Variants in POLE observed in about 807,000 individuals in gnomAD.
POLE encodes the protein DNA polymerase epsilon, catalytic subunit, also known as DNA polymerase epsilon catalytic subunit A.
POLE carries 188 observed loss-of-function variants against 279.2 expected under a neutral mutation model. That is an observed-to-expected ratio of 0.67 (90% CI 0.60 to 0.76). The LOEUF (loss-of-function observed/expected upper bound fraction) is 0.76. Ranked by LOEUF, POLE falls within the 30% of genes least tolerant of loss-of-function variation. POLE has a pLI of 0.00. For synonymous variants in POLE, 1,214 were observed against 1,172.5 expected (o/e 1.04, Z -0.72); for missense variants, 2,703 against 3,016.7 (o/e 0.90, Z 2.44).
At chr12:132,635,265 A>C (rs955683811) in intron 42 of POLE, among the ~76,000 whole-genome samples, 1 of 151,890 alleles carries the variant, frequency 6.6e-6, no homozygotes, top group East Asian at 1.9e-4. Flanking sequence ...CCTGGCCCGC[A>C]CCTGGGCATT....
Position 132,659,336 on chromosome 12 carries a change from G to A in POLE, c.3234C>T (p.Tyr1078=), listed in dbSNP as rs762650342. The change falls in exon 26 of 49, where the codon TAC becomes TAT. Residue 1078 remains tyrosine, a synonymous_variant. Coordinates refer to ENST00000320574, the MANE Select transcript of POLE (RefSeq NM_006231.4). ...MVKDAGLSCR[Y]IISRKPEGSP... ...AGCCCTCGGGCTTGCGGGAGATGAT[G>A]TAGCGGCAACTCAGCCCTGCATCCT... is the stretch of plus-strand genomic sequence containing the variant. 2 of 1,614,200 alleles carry A rather than the reference G, an allele frequency of 1.2e-6. No individual in the cohort carries two copies. The highest frequency in any genetic ancestry group is 1.1e-5 in the South Asian group (1 of 91,090).
chr12:132,668,551 C>G lies in POLE; in HGVS notation c.2027-49G>C, dbSNP rs777621979. On this transcript the variant is annotated intron_variant, in intron 18 of 48. Transcript: ENST00000320574. This position sits in a 1 kb window ranked among gnomAD's most constrained non-coding sequence, Gnocchi z 4.0. Reference sequence around the variant, plus strand: ...AGTTCAAAAGGAGGCACAGACACACCGGCTTCCCACCAAGTGGAGAAAGGC... The same window carrying G: ...AGTTCAAAAGGAGGCACAGACACACGGGCTTCCCACCAAGTGGAGAAAGGC... 6.3e-6 allele frequency: 10 copies of G among 1,579,834 alleles called. No individual in the cohort carries two copies.
chr12:132,680,421 G>C (rs1178422131), intron 3 of POLE, 186 bp downstream of exon 3: 1 of 666,646 alleles, frequency 1.5e-6, no homozygotes, highest in Non-Finnish European at 2.7e-6. Flanking sequence ...TCACCATTCA[G>C]AGTCTTCCTG....
intron 29 of POLE, 104 bp from the exon 30 acceptor site, chr12:132,649,993 T>C (rs1056017756): frequency 4.5e-5 from 44 of 971,770 alleles, no homozygotes; most frequent in African/African-American, 1.4e-4. Context: ...GGAGAATTGC[T>C]TGGGGCCAGG....
Position 132,657,241 on chromosome 12 carries a change from T to G in POLE, c.3477A>C (p.Pro1159=). ...GCAGCCAGTCGGGGTGTTTGACACG[T>G]GGCACTGGGTTCTTTACCTGTGTGA... ...AALQQVKNPV[P]RVKHPDWLHK... Residue 1159 remains proline (P), a synonymous_variant, in exon 29 of 49, where the codon CCA becomes CCC. Transcript: ENST00000320574. The G allele has an allele frequency of 6.2e-7, 1 of 1,614,024 alleles. No homozygotes were observed. Among genetic ancestry groups the G allele is most frequent in the Non-Finnish European group, 8.5e-7 (1 of 1,179,988 alleles).
chr12:132,642,111 G>T, intron 38 of POLE, 66 bp downstream of exon 38: 3 of 1,341,956 alleles, frequency 2.2e-6, no homozygotes, highest in Non-Finnish European at 2.1e-6. Context: ...ATTGCCTTGA[G>T]AAGATGTCAC....
Position 132,642,931 on chromosome 12 carries a change from C to T in POLE, c.4617G>A (p.Glu1539=), listed in dbSNP as rs1429494989. ...GTGGCAGGAGCTCAGGGCCCACCTTCTCCAGGAGGAGGCCGTGCTCTGCTG... is the reference window on the plus strand; with the variant it reads ...GTGGCAGGAGCTCAGGGCCCACCTTTTCCAGGAGGAGGCCGTGCTCTGCTG... ...LYSAEHGLLL[E]KVGPELLPPP... is the part of the protein sequence containing the mutation. Residue 1539 remains glutamate (E), a synonymous_variant, in exon 36 of 49, where the codon GAG becomes GAA. Coordinates refer to ENST00000320574, the MANE Select transcript of POLE (RefSeq NM_006231.4). The T allele has an allele frequency of 6.2e-7, 1 of 1,612,220 alleles. No individual in the cohort carries two copies. The highest frequency in any genetic ancestry group is 1.3e-5 in the African/African-American group (1 of 74,814).
intron 43 of POLE, chr12:132,633,156 C>A: frequency 7.7e-6 from 1 of 130,008 alleles, no homozygotes; most frequent in Non-Finnish European, 1.5e-5. Context: ...TCACCTGGCA[C>A]TTACCCTTTT....
At chr12:132,683,299 T>C (rs1465191037) in intron 1 of POLE, among the ~76,000 whole-genome samples, 1 of 151,330 alleles carries the variant, frequency 6.6e-6, no homozygotes, top group East Asian at 1.9e-4. Context: ...AGAGCTAGAG[T>C]CAGGAAGGAG....
chr12:132,686,681 G>A (rs2043276566), intron 1 of POLE, among the ~76,000 whole-genome samples: 2 of 152,050 alleles, frequency 1.3e-5, no homozygotes, highest in Non-Finnish European at 2.9e-5. Flanking sequence ...GTTGCAGTGA[G>A]CCGAGATCGC....
intron 1 of POLE, among the ~76,000 whole-genome samples, chr12:132,682,187 A>C (rs1341613848): frequency 6.6e-6 from 1 of 151,904 alleles, no homozygotes; most frequent in African/African-American, 2.4e-5. Context: ...CCAGCTACTC[A>C]GGAGGCTGAG....
chr12:132,675,588 T>G lies in POLE; in HGVS notation c.1107-71A>C. 4 of 1,603,234 alleles carry G rather than the reference T, an allele frequency of 2.5e-6. No individual in the cohort carries two copies. In the South Asian group the frequency reaches 4.5e-5, roughly 18 times the overall value. ...TAATGCCCCTTTCTCCATTCCTCCC[T>G]CAGACCCAGGGAGGAACCCAGACAC... is the stretch of plus-strand genomic sequence containing the variant. On this transcript the variant is annotated intron_variant, in intron 11 of 48. Transcript: ENST00000320574. This position sits in a 1 kb window ranked among gnomAD's most constrained non-coding sequence, Gnocchi z 4.3.
At chr12:132,626,798 C>T (rs1271378490) in intron 45 of POLE, among the ~76,000 whole-genome samples, 18 of 152,106 alleles carry the variant, frequency 1.2e-4, no homozygotes, top group Admixed American at 6.6e-5. Context: ...AAAGATGATT[C>T]GATAGAAAAA....
At position 132,632,328 on chromosome 12, in the gene POLE, T is replaced by C. The variant is rs762471347; in HGVS notation, c.6317A>G (p.Lys2106Arg). The stretch of plus-strand genomic sequence containing the variant: ...TGGCACTCTCACCTTGCACACGTAT[T>C]TGATGAACTCCAGGGCAGGGTTATT... ...LLNNPALEFI[K>R]YVCKVLSLDT... The change falls in exon 45 of 49, where the codon AAA (lysine) becomes AGA (arginine). Residue 2106 changes from lysine (K) to arginine (R), a missense_variant. Around this residue, in one of 5 missense-constraint regions of POLE, gnomAD observed 1,551 missense variants for 1,686.1 expected, o/e 0.92. Transcript: ENST00000320574. 5.6e-6 allele frequency: 9 copies of C among 1,613,852 alleles called. No homozygotes were observed. In the East Asian group the frequency reaches 2.0e-4, roughly 36 times the overall value.
intron 1 of POLE, among the ~76,000 whole-genome samples, 200 bp from the exon 2 acceptor site, chr12:132,681,479 G>A (rs1372460064): frequency 2.6e-5 from 4 of 152,026 alleles, no homozygotes; most frequent in African/African-American, 9.7e-5. Context: ...GAGTAGCTGG[G>A]ACCACAGGCG....
chr12:132,628,843 C>T (rs1445876593), intron 45 of POLE, among the ~76,000 whole-genome samples: 1 of 152,200 alleles, frequency 6.6e-6, no homozygotes, highest in Non-Finnish European at 1.5e-5. Flanking sequence ...CCACAATAGT[C>T]TTGAATCCCT....
At chr12:132,656,074 A>G (rs1033800023) in intron 29 of POLE, among the ~76,000 whole-genome samples, 1 of 151,724 alleles carries the variant, frequency 6.6e-6, no homozygotes, top group Non-Finnish European at 1.5e-5. Flanking sequence ...TCCCAGCTAC[A>G]CTAGAGGCTG....
chr12:132,642,903 G>C lies in POLE; in HGVS notation c.4645C>G (p.Pro1549Ala), dbSNP rs147500308. 319 of 1,613,720 alleles carry C rather than the reference G, an allele frequency of 2.0e-4. No individual in the cohort carries two copies. The highest frequency in any genetic ancestry group is 1.4e-3 in the Admixed American group (84 of 59,920). Residue 1549 changes from proline to alanine, a missense_variant, in exon 36 of 49, where the codon CCC becomes GCC. Physicochemically the swap from Pro to Ala is conservative, Grantham distance 27. Transcript: ENST00000320574. ...GCCCGAACTTCGAAGGTGTGTTTGG[G>C]GGGTGGCAGGAGCTCAGGGCCCACC... ...EKVGPELLPP[P>A]KHTFEVRAET...
In POLE at chr12:132,664,364, A is replaced by G. The variant is rs116231808; in HGVS notation, c.2561+6T>C. 464 of 1,612,246 alleles carry G rather than the reference A, an allele frequency of 2.9e-4. 2 individuals are homozygous for G. The African/African-American group carries it at 5.7e-3, about 20-fold the overall frequency. The stretch of plus-strand genomic sequence containing the variant: ...CCCAGCCCCACGGCTCCCCTTCTGC[A>G]CTCACCCAATCTGCTCGATCAGCTC... On this transcript the variant is annotated splice_donor_region_variant and intron_variant, in intron 22 of 48. Transcript: ENST00000320574. The surrounding 1 kb of genome is among the most constrained non-coding windows in gnomAD (Gnocchi z 5.3).
Sources: allele counts gnomAD v4.1 joint callset (sites outside exome capture counted in the v4.1 genomes callset), GRCh38; gene constraint gnomAD v4.1.1; regional missense constraint gnomAD v4.1.1; non-coding constraint Gnocchi (gnomAD v3.1); transcripts MANE v1.5; gene names NCBI Gene and HGNC (gene_info 2026-07-23, HGNC 2026-07-21).